The following RBFOX1 variants were observed in gnomAD, a reference collection of about 807,000 sequenced individuals.
RBFOX1 encodes the protein RNA binding protein fox-1 homolog 1.
A neutral mutation model predicts 57.7 loss-of-function variants in RBFOX1; 8 were observed. That is an observed-to-expected ratio of 0.14 (90% CI 0.08 to 0.25). The LOEUF is 0.25. RBFOX1 is among the 10% of genes least tolerant of loss of function. The pLI is 1.00. For synonymous variants in RBFOX1, 326 were observed against 222.4 expected, an observed-to-expected ratio of 1.47 and a Z score of -4.15; for missense variants, 611 against 548.5, an observed-to-expected ratio of 1.11 and a Z score of -1.14.
At chr16:7,250,617 C>T (rs962732163) in intron 4 of RBFOX1, among the ~76,000 whole-genome samples, 1 of 152,200 alleles carries the variant, frequency 6.6e-6, no homozygotes, top group African/African-American at 2.4e-5. Context: ...ACTATGTACA[C>T]AGCAGACACT....
At chr16:6,690,750 C>CT (rs2060089967) in intron 3 of RBFOX1, among the ~76,000 whole-genome samples, 2 of 66,054 alleles carry the variant, frequency 3.0e-5, no homozygotes, top group Admixed American at 2.3e-4. Flanking sequence ...GGTTTCTTTT[C>CT]TTTCTTTCTT....
chr16:6,742,082 T>A (rs1418940196), intron 3 of RBFOX1, among the ~76,000 whole-genome samples: 1 of 152,172 alleles, frequency 6.6e-6, no homozygotes, highest in Admixed American at 6.5e-5. Context: ...TTTCAAAACA[T>A]CATGTTGTAC....
At chr16:5,283,141 C>T (rs1472923616) in intron 1 of RBFOX1, among the ~76,000 whole-genome samples, 1 of 152,180 alleles carries the variant, frequency 6.6e-6, no homozygotes, top group African/African-American at 2.4e-5. Context: ...AGTGTTGAGC[C>T]TGTGGGTACA....
chr16:7,122,162 A>G (rs2067334497), intron 4 of RBFOX1, among the ~76,000 whole-genome samples: 1 of 152,186 alleles, frequency 6.6e-6, no homozygotes, highest in Admixed American at 6.5e-5. Flanking sequence ...AATTTGACTT[A>G]ACAAAATTGT....
intron 4 of RBFOX1, among the ~76,000 whole-genome samples, chr16:7,058,150 C>T (rs2053057212): frequency 6.6e-6 from 1 of 152,056 alleles, no homozygotes; most frequent in African/African-American, 2.4e-5. Flanking sequence ...ATATAGGACA[C>T]CTACCGCACG....
chr16:7,416,624 C>A (rs961485958), intron 4 of RBFOX1, among the ~76,000 whole-genome samples: 1 of 152,068 alleles, frequency 6.6e-6, no homozygotes, highest in Non-Finnish European at 1.5e-5. Flanking sequence ...AGAAAAGCAC[C>A]CACGATTCCC....
At chr16:5,851,123 C>T (rs1246109458) in intron 3 of RBFOX1, among the ~76,000 whole-genome samples, 2 of 152,170 alleles carry the variant, frequency 1.3e-5, no homozygotes, top group African/African-American at 4.8e-5. Flanking sequence ...TGGACTTACC[C>T]TCACAATCAG....
chr16:7,236,171 A>G (rs1028344123), intron 4 of RBFOX1, among the ~76,000 whole-genome samples: 14 of 152,178 alleles, frequency 9.2e-5, no homozygotes, highest in African/African-American at 3.1e-4. Flanking sequence ...GTTAAGCATT[A>G]ATCTTCTCAT....
chr16:6,542,441 G>C (rs1224669976), intron 2 of RBFOX1, among the ~76,000 whole-genome samples: 1 of 145,286 alleles, frequency 6.9e-6, no homozygotes, highest in Non-Finnish European at 1.5e-5. Flanking sequence ...AGGTGTCTCA[G>C]TGGATAATCG....
At chr16:6,507,492 A>G (rs1024178532) in intron 2 of RBFOX1, among the ~76,000 whole-genome samples, 1 of 113,024 alleles carries the variant, frequency 8.8e-6, no homozygotes. Flanking sequence ...GCAACATAAC[A>G]AGACCCTATC....
rs369472071 is a variant in RBFOX1 at position 6,100,222 on chromosome 16, G to C, written c.-127+80230G>C. ...CTGTCACCCAGGCTGGAGTGCAGTGGCCCGATCTCGGCTCACTGCAAGCTC... is the reference window on the plus strand; with the variant it reads ...CTGTCACCCAGGCTGGAGTGCAGTGCCCCGATCTCGGCTCACTGCAAGCTC... On this transcript the variant is annotated intron_variant, in intron 1 of 15. Coordinates refer to ENST00000550418, the MANE Select transcript of RBFOX1 (RefSeq NM_018723.4). Among the ~76,000 whole-genome samples the C allele has an allele frequency of 8.2e-4, 125 of 152,184 alleles. 1 individual carries two copies. The South Asian group carries it at 0.024, about 29-fold the overall frequency.
chr16:5,586,509 A>G (rs949732044), intron 2 of RBFOX1, among the ~76,000 whole-genome samples: 1 of 152,090 alleles, frequency 6.6e-6, no homozygotes, highest in African/African-American at 2.4e-5. Context: ...TTGTTCATTC[A>G]TTCGTTCAAG....
Position 5,666,995 on chromosome 16 carries a change from T to G in RBFOX1, c.318+68034T>G, listed in dbSNP as rs536851044. On this transcript the variant is annotated intron_variant, in intron 3 of 19. Coordinates refer to the RBFOX1 transcript ENST00000641259. Reference sequence around the variant, plus strand: ...GCAAGGCCTCTGAGGGTTGGGCTTGTTTTCCCAAGGGCTGCTTCCGGAGTC... The same window carrying G: ...GCAAGGCCTCTGAGGGTTGGGCTTGGTTTCCCAAGGGCTGCTTCCGGAGTC... Among the ~76,000 whole-genome samples the G allele has an allele frequency of 3.3e-5, 5 of 152,310 alleles. No homozygotes were observed. The South Asian group carries it at 1.0e-3, about 32-fold the overall frequency.
rs146108502 is a variant in RBFOX1, at chr16:5,460,075, G to C, written c.220-7141G>C. Among the ~76,000 whole-genome samples, 4 of 152,296 alleles carry C rather than the reference G, an allele frequency of 2.6e-5. No homozygotes were observed. The East Asian group carries it at 5.8e-4, about 22-fold the overall frequency. Reference sequence around the variant, plus strand: ...TGATGAGTCTCTGGATGGGGAGACAGGTAAGGAGCTAGGAGTGTAAAGTCG... The same window carrying C: ...TGATGAGTCTCTGGATGGGGAGACACGTAAGGAGCTAGGAGTGTAAAGTCG... On this transcript the variant is annotated intron_variant, in intron 1 of 2. Coordinates refer to the RBFOX1 transcript ENST00000585867.
intron 1 of RBFOX1, among the ~76,000 whole-genome samples, chr16:5,455,420 C>T (rs1009089272): frequency 3.6e-4 from 55 of 152,098 alleles, no homozygotes; most frequent in African/African-American, 1.3e-3. Flanking sequence ...CTGAGCCCTC[C>T]CAGATTCAAA....
chr16:6,560,476 G>A (rs1470011052), intron 2 of RBFOX1, among the ~76,000 whole-genome samples: 2 of 152,088 alleles, frequency 1.3e-5, no homozygotes, highest in Non-Finnish European at 2.9e-5. Flanking sequence ...AACAGTCAAA[G>A]CAAAAGATCT....
intron 2 of RBFOX1, among the ~76,000 whole-genome samples, chr16:5,528,798 C>T (rs2044347525): frequency 1.3e-5 from 2 of 152,024 alleles, no homozygotes; most frequent in South Asian, 2.1e-4. Flanking sequence ...TATAGGTCTG[C>T]ACCACCATGC....
intron 4 of RBFOX1, among the ~76,000 whole-genome samples, chr16:5,894,359 T>A (rs552874906): frequency 3.9e-5 from 6 of 152,308 alleles, no homozygotes; most frequent in Non-Finnish European, 8.8e-5. Flanking sequence ...TTTGGCTCAC[T>A]TTCACCTCCA....
chr16:5,865,821 A>T (rs1156877003), intron 3 of RBFOX1, among the ~76,000 whole-genome samples: 1 of 152,102 alleles, frequency 6.6e-6, no homozygotes, highest in African/African-American at 2.4e-5. Flanking sequence ...CAGACTCGGT[A>T]TGAGAAAAGG....
Sources: gnomAD v4.1 joint callset for allele counts (sites outside exome capture counted in the v4.1 genomes callset) on GRCh38, gnomAD v4.1.1 for gene constraint, MANE v1.5 for transcripts, NCBI Gene and HGNC (gene_info 2026-07-23, HGNC 2026-07-21) for gene names.